The following ZNF423 variants were observed in gnomAD, a reference collection of about 807,000 sequenced individuals.
The protein encoded by ZNF423 is zinc finger protein 423.
A neutral mutation model predicts 95.8 loss-of-function variants in ZNF423; 12 were observed. That is an observed-to-expected ratio of 0.13 (90% confidence interval 0.08 to 0.20). ZNF423 has a LOEUF of 0.20. ZNF423 is among the 10% of genes least tolerant of loss of function. The pLI, the probability that ZNF423 is intolerant of heterozygous loss-of-function variation, is 1.00. For missense variants in ZNF423, 1,316 were observed against 1,737.1 expected, an observed-to-expected ratio of 0.76 and a Z score of 4.31; for synonymous variants, 749 against 711.9, an observed-to-expected ratio of 1.05 and a Z score of -0.83.
intron 1 of ZNF423, among the ~76,000 whole-genome samples, chr16:49,836,743 C>A (rs1157750804): frequency 6.6e-6 from 1 of 152,110 alleles, no homozygotes; most frequent in Non-Finnish European, 1.5e-5. Context: ...TGCCCTTATC[C>A]CCTCCTGATG....
intron 7 of ZNF423, among the ~76,000 whole-genome samples, chr16:49,506,498 A>C (rs1290816808): frequency 7.4e-6 from 1 of 135,436 alleles, no homozygotes; most frequent in African/African-American, 3.0e-5. Flanking sequence ...GGATAGATGA[A>C]ATGGTGTGTA....
intron 5 of ZNF423, among the ~76,000 whole-genome samples, chr16:49,542,988 T>C (rs1252539495): frequency 2.6e-5 from 4 of 152,116 alleles, no homozygotes; most frequent in Non-Finnish European, 5.9e-5. Context: ...TGGGGTCTGT[T>C]ACCCCTTCCC....
At chr16:49,723,666 CT>C (rs1369204823) in intron 3 of ZNF423, among the ~76,000 whole-genome samples, 1 of 152,146 alleles carries the variant, frequency 6.6e-6, no homozygotes, top group Non-Finnish European at 1.5e-5. Context: ...TTTAAAAGCT[CT>C]CTGTTTTCTT....
Position 49,635,123 on chromosome 16 carries a change from C to T in ZNF423, c.3516+537G>A, listed in dbSNP as rs1254209772. Among the ~76,000 whole-genome samples the T allele has an allele frequency of 6.6e-6, 1 of 152,218 alleles. No individual in the cohort carries two copies. The highest frequency in any genetic ancestry group is 1.5e-5 in the Non-Finnish European group (1 of 68,038). ...TGATAAGAGTACCAGCTGGTGATGA[C>T]AGCCAGCACCACTGAGCCATGAGTG... On this transcript the variant is annotated intron_variant, in intron 4 of 7. Coordinates refer to ENST00000563137, the MANE Select transcript of ZNF423 (RefSeq NM_001379286.1). This position sits in a 1 kb window ranked among gnomAD's most constrained non-coding sequence, Gnocchi z 4.8.
chr16:49,812,566 G>A (rs370149806), intron 1 of ZNF423, among the ~76,000 whole-genome samples: 6 of 152,272 alleles, frequency 3.9e-5, no homozygotes, highest in African/African-American at 1.2e-4. Flanking sequence ...GGTGGCATGC[G>A]CTACTCAGGA....
At chr16:49,497,736 G>A (rs1391143946) in intron 7 of ZNF423, among the ~76,000 whole-genome samples, 1 of 152,242 alleles carries the variant, frequency 6.6e-6, no homozygotes, top group African/African-American at 2.4e-5. Flanking sequence ...CTAGGGCCAA[G>A]CCCGAGAATG....
chr16:49,693,454 C>T (rs1241460333), intron 3 of ZNF423, among the ~76,000 whole-genome samples: 1 of 152,160 alleles, frequency 6.6e-6, no homozygotes, highest in Non-Finnish European at 1.5e-5. Flanking sequence ...TCAAAGGATG[C>T]TTATCAATGA....
At chr16:49,523,816 T>A in intron 6 of ZNF423, 77 bp from the exon 7 acceptor site, 1 of 1,182,492 alleles carries the variant, frequency 8.5e-7, no homozygotes, top group Non-Finnish European at 1.2e-6. Context: ...CCCACAACAC[T>A]CGCAGGCAGG....
At chr16:49,743,579 A>C in intron 2 of ZNF423, among the ~76,000 whole-genome samples, 1 of 152,080 alleles carries the variant, frequency 6.6e-6, no homozygotes, top group East Asian at 1.9e-4. Context: ...CTGTATTTCC[A>C]GGGAGGGATG....
rs151120709 is a variant in ZNF423, at chr16:49,806,556, C to T, written c.41-17010G>A. Among the ~76,000 whole-genome samples the T allele has an allele frequency of 7.1e-3, 1,089 of 152,310 alleles. 8 individuals carry two copies. The highest frequency in any genetic ancestry group is 0.02 in the Middle Eastern group (6 of 294). ...AAATAAATGTCAGTTCCTGGTTATACATGTGGTTTATTTTAAACACGAGCA... is the reference window on the plus strand; with the variant it reads ...AAATAAATGTCAGTTCCTGGTTATATATGTGGTTTATTTTAAACACGAGCA... On this transcript the variant is annotated intron_variant, in intron 1 of 7. Transcript: ENST00000563137.
intron 5 of ZNF423, among the ~76,000 whole-genome samples, chr16:49,599,119 G>A (rs1971275801): frequency 6.6e-6 from 1 of 152,124 alleles, no homozygotes; most frequent in South Asian, 2.1e-4. Flanking sequence ...ACACAGACAT[G>A]CACACAACAT....
intron 5 of ZNF423, among the ~76,000 whole-genome samples, chr16:49,535,884 G>A (rs978539246): frequency 3.3e-5 from 5 of 152,160 alleles, no homozygotes; most frequent in African/African-American, 1.2e-4. Flanking sequence ...CATCCATCAT[G>A]TTAATAATCC....
chr16:49,842,223 G>A (rs2035189472), intron 1 of ZNF423, among the ~76,000 whole-genome samples: 1 of 131,344 alleles, frequency 7.6e-6, no homozygotes, highest in South Asian at 2.9e-4. Context: ...GTGCGACAGA[G>A]GAAGAGAAGG....
At chr16:49,720,482 C>T (rs1038966075) in intron 3 of ZNF423, among the ~76,000 whole-genome samples, 1 of 152,196 alleles carries the variant, frequency 6.6e-6, no homozygotes, top group African/African-American at 2.4e-5. Context: ...TACCACCTCC[C>T]TGTGTGACCT....
At chr16:49,506,713 T>C (rs2151671857) in intron 7 of ZNF423, among the ~76,000 whole-genome samples, 1 of 151,986 alleles carries the variant, frequency 6.6e-6, no homozygotes, top group Non-Finnish European at 1.5e-5. Context: ...GTGGACAGAT[T>C]GGTGAGTGGA....
intron 5 of ZNF423, among the ~76,000 whole-genome samples, chr16:49,625,688 G>T (rs893092290): frequency 1.3e-5 from 2 of 152,226 alleles, no homozygotes; most frequent in African/African-American, 4.8e-5. Context: ...TTTGCAAGCT[G>T]CCCTTCTAGA....
In ZNF423 at chr16:49,609,486, G is replaced by GA. The variant is rs956418387; in HGVS notation, c.3601+16683dup. Among the ~76,000 whole-genome samples, 107 of 149,880 alleles carry GA rather than the reference G, an allele frequency of 7.1e-4. 1 individual carries two copies. The highest frequency in any genetic ancestry group is 2.3e-3 in the African/African-American group (96 of 40,902). On this transcript the variant is annotated intron_variant, in intron 5 of 7. Coordinates refer to ENST00000563137, the MANE Select transcript of ZNF423 (RefSeq NM_001379286.1). ...ATTATGATCATCCTTGAAACAAGTG[G>GA]AAAAAAAAAGAAGTCCAGCAAAGAC...
At chr16:49,843,362 C>T (rs2035211196) in intron 1 of ZNF423, among the ~76,000 whole-genome samples, 1 of 152,206 alleles carries the variant, frequency 6.6e-6, no homozygotes, top group South Asian at 2.1e-4. Context: ...ACTCTAGGTG[C>T]TATCTCCTAG....
chr16:49,590,668 G>A (rs1360243892), intron 5 of ZNF423, among the ~76,000 whole-genome samples: 2 of 152,122 alleles, frequency 1.3e-5, no homozygotes, highest in African/African-American at 2.4e-5. Context: ...CCCTGGAAGC[G>A]TCTGTTTCAA....
Sources: allele counts gnomAD v4.1 joint callset (sites outside exome capture counted in the v4.1 genomes callset), GRCh38; gene constraint gnomAD v4.1.1; non-coding constraint Gnocchi (gnomAD v3.1); transcripts MANE v1.5; gene names NCBI Gene and HGNC (gene_info 2026-07-23, HGNC 2026-07-21).